CLSTN2: variants seen among roughly 807,000 people sequenced by gnomAD.
The protein encoded by CLSTN2 is calsyntenin 2.
In CLSTN2, 48 loss-of-function variants were observed where a neutral mutation model predicts 101.2. The ratio of observed to expected loss-of-function variants is 0.47; its 90% CI spans 0.38 to 0.60. The LOEUF is 0.60. Among genes scored for constraint, CLSTN2 ranks in the 20% least tolerant of loss-of-function variants. The pLI is 0.00. For synonymous variants in CLSTN2, 481 were observed against 463.6 expected (o/e 1.04, Z -0.48); for missense variants, 1,160 against 1,238.2 (o/e 0.94, Z 0.95).
chr3:140,482,468 T>A (rs1032312773), intron 8 of CLSTN2, among the ~76,000 whole-genome samples: 8 of 152,222 alleles, frequency 5.3e-5, no homozygotes, highest in Non-Finnish European at 1.2e-4. Context: ...TAAAATGAGT[T>A]AGGGAGGATT....
intron 1 of CLSTN2, among the ~76,000 whole-genome samples, chr3:140,148,506 T>G (rs2009814997): frequency 6.6e-6 from 1 of 152,196 alleles, no homozygotes; most frequent in Admixed American, 6.5e-5. Flanking sequence ...GAACTTTTAT[T>G]TTTCATAATG....
intron 1 of CLSTN2, among the ~76,000 whole-genome samples, chr3:140,075,236 G>A (rs1393727698): frequency 6.6e-6 from 1 of 151,780 alleles, no homozygotes; most frequent in East Asian, 1.9e-4. Flanking sequence ...ACTTTCTTTG[G>A]GTTCCTTTTC....
At chr3:140,482,159 GC>G (rs1370926021) in intron 8 of CLSTN2, among the ~76,000 whole-genome samples, 2 of 152,194 alleles carry the variant, frequency 1.3e-5, no homozygotes, top group East Asian at 3.8e-4. Context: ...TCAGCATGAA[GC>G]GTTGTTGAAT....
intron 2 of CLSTN2, among the ~76,000 whole-genome samples, chr3:140,295,011 T>C (rs2107906006): frequency 6.6e-6 from 1 of 152,282 alleles, no homozygotes; most frequent in South Asian, 2.1e-4. Flanking sequence ...TGCTGTCACA[T>C]TGGGGGTTAA....
chr3:140,443,078 G>A (rs575294523), intron 5 of CLSTN2, among the ~76,000 whole-genome samples: 3 of 152,266 alleles, frequency 2.0e-5, no homozygotes, highest in South Asian at 2.1e-4. Flanking sequence ...CTGTTCTGGG[G>A]TACCCCATTC....
intron 2 of CLSTN2, among the ~76,000 whole-genome samples, chr3:140,186,113 A>T (rs2010481796): frequency 6.6e-6 from 1 of 152,186 alleles, no homozygotes. Context: ...CAGCATAGAG[A>T]AGAACGAACT....
At chr3:140,281,571 A>G (rs2086847884) in intron 2 of CLSTN2, among the ~76,000 whole-genome samples, 1 of 151,856 alleles carries the variant, frequency 6.6e-6, no homozygotes, top group Non-Finnish European at 1.5e-5. Flanking sequence ...TAATTACCTA[A>G]CTCTGGGAGA....
At chr3:140,330,377 A>G (rs1158018578) in intron 2 of CLSTN2, among the ~76,000 whole-genome samples, 2 of 152,226 alleles carry the variant, frequency 1.3e-5, no homozygotes, top group East Asian at 1.9e-4. Flanking sequence ...GTGGTTCCCA[A>G]CTAATGAGGG....
At chr3:140,361,862 A>T (rs2087734046) in intron 2 of CLSTN2, among the ~76,000 whole-genome samples, 2 of 152,176 alleles carry the variant, frequency 1.3e-5, no homozygotes, top group Non-Finnish European at 2.9e-5. Context: ...GTCCTGGTTC[A>T]CGGATTAAAA....
In CLSTN2 at chr3:140,162,329, G is replaced by A. The variant is rs546667527; in HGVS notation, c.110-13622G>A. On this transcript the variant is annotated intron_variant, in intron 1 of 16. Transcript: ENST00000458420. ...TTCTCCACCATCTGGTATAGAAAAGGTACAAAATGATATTTACATCCAGTA... is the reference window on the plus strand; with the variant it reads ...TTCTCCACCATCTGGTATAGAAAAGATACAAAATGATATTTACATCCAGTA... Among the ~76,000 whole-genome samples, 27 of 152,194 alleles carry A rather than the reference G, an allele frequency of 1.8e-4. No individual in the cohort carries two copies. The South Asian group carries it at 5.4e-3, about 30-fold the overall frequency.
At chr3:140,235,124 A>G (rs1185973106) in intron 2 of CLSTN2, among the ~76,000 whole-genome samples, 1 of 152,244 alleles carries the variant, frequency 6.6e-6, no homozygotes, top group Non-Finnish European at 1.5e-5. Flanking sequence ...ATGAGGATTA[A>G]CTATAATATG....
At chr3:140,376,552 G>A (rs1211705416) in intron 2 of CLSTN2, among the ~76,000 whole-genome samples, 1 of 152,158 alleles carries the variant, frequency 6.6e-6, no homozygotes, top group African/African-American at 2.4e-5. Flanking sequence ...AGAATTCTAA[G>A]TCTTCCTTCT....
At chr3:140,543,986 T>C (rs1935535812) in intron 9 of CLSTN2, among the ~76,000 whole-genome samples, 1 of 152,188 alleles carries the variant, frequency 6.6e-6, no homozygotes, top group Non-Finnish European at 1.5e-5. Flanking sequence ...TCTCTGGAGC[T>C]AAAGTCAATA....
At chr3:140,478,842 G>GAGGAAGAA (rs1269692401) in intron 8 of CLSTN2, among the ~76,000 whole-genome samples, 1 of 146,470 alleles carries the variant, frequency 6.8e-6, no homozygotes, top group Non-Finnish European at 1.5e-5. Context: ...AAGAGGGAGA[G>GAGGAAGAA]AGGAAGAAAG....
At chr3:140,350,247 C>T (rs1353447993) in intron 2 of CLSTN2, among the ~76,000 whole-genome samples, 1 of 152,208 alleles carries the variant, frequency 6.6e-6, no homozygotes, top group African/African-American at 2.4e-5. Flanking sequence ...AGAACACTAC[C>T]TGCCAGAAAT....
At chr3:140,194,085 A>G (rs1254894652) in intron 2 of CLSTN2, among the ~76,000 whole-genome samples, 1 of 152,120 alleles carries the variant, frequency 6.6e-6, no homozygotes, top group Non-Finnish European at 1.5e-5. Flanking sequence ...TGTTTTTATC[A>G]TGGCTACTTT....
intron 4 of CLSTN2, among the ~76,000 whole-genome samples, chr3:140,407,769 TC>T (rs1419706267): frequency 6.6e-6 from 1 of 152,130 alleles, no homozygotes; most frequent in Non-Finnish European, 1.5e-5. Context: ...AGAGCTTGGG[TC>T]CTCAAAATTG....
intron 1 of CLSTN2, among the ~76,000 whole-genome samples, chr3:139,938,906 G>A (rs71314532): frequency 0.061 from 9,338 of 151,902 alleles, 340 homozygotes; most frequent in Non-Finnish European, 0.082. Context: ...CAGTAGCAGA[G>A]GACCACCCTC....
chr3:140,012,375 A>C (rs1294949993), intron 1 of CLSTN2, among the ~76,000 whole-genome samples: 11 of 152,092 alleles, frequency 7.2e-5, no homozygotes, highest in African/African-American at 2.4e-4. Flanking sequence ...TTCAATAAAA[A>C]CATGTATTTA....
Sources: allele counts gnomAD v4.1 joint callset (sites outside exome capture counted in the v4.1 genomes callset), GRCh38; gene constraint gnomAD v4.1.1; transcripts MANE v1.5; gene names NCBI Gene and HGNC (gene_info 2026-07-23, HGNC 2026-07-21).